The following YIPF6 variants were observed in gnomAD, a reference collection of about 807,000 sequenced individuals.
YIPF6 encodes the protein protein YIPF6.
YIPF6 carries 3 observed loss-of-function variants against 16.8 expected under a neutral mutation model. That is an observed-to-expected ratio of 0.18 (90% CI 0.08 to 0.46). The LOEUF is 0.46. Among genes scored for constraint, YIPF6 ranks in the 20% least tolerant of loss-of-function variants. The pLI, the probability that YIPF6 is intolerant of heterozygous loss-of-function variation, is 0.98. For synonymous variants in YIPF6, 67 were observed against 61.9 expected, an observed-to-expected ratio of 1.08 and a Z score of -0.38; for missense variants, 145 against 184.9, an observed-to-expected ratio of 0.78 and a Z score of 1.25.
intron 1 of YIPF6, chrX:68,510,685 G>A (rs2079077578): frequency 9.1e-6 from 1 of 110,219 alleles, no homozygotes; most frequent in Admixed American, 9.8e-5. Flanking sequence ...CCAGGCTGGA[G>A]TGCAATGGCG....
At position 68,532,424 on chromosome X, in the gene YIPF6, A is replaced by C. The variant is rs1015001629; in HGVS notation, c.*425A>C. On this transcript the variant is annotated 3_prime_UTR_variant, in exon 7 of 7. Coordinates refer to ENST00000462683, the MANE Select transcript of YIPF6 (RefSeq NM_173834.4). Reference sequence around the variant, plus strand: ...CACATTGCCTTATGACTATTAGAATATGCCTCTCTTTTCATAAATAAAAAT... The same window carrying C: ...CACATTGCCTTATGACTATTAGAATCTGCCTCTCTTTTCATAAATAAAAAT... 1 of 112,984 alleles carries C rather than the reference A, an allele frequency of 8.9e-6. No homozygotes were observed. Among genetic ancestry groups the C allele is most frequent in the African/African-American group, 3.3e-5 (1 of 30,642 alleles). 9.3% of individuals were successfully genotyped at this position (112,984 alleles called of 1,213,427 possible).
intron 6 of YIPF6, among the ~76,000 whole-genome samples, chrX:68,524,741 C>T (rs1245561444): frequency 9.2e-6 from 1 of 109,206 alleles, no homozygotes; most frequent in Non-Finnish European, 1.9e-5. Context: ...TCTCATTGTT[C>T]AACCCCCACT....
intron 1 of YIPF6, 61 bp from the exon 2 acceptor site, chrX:68,511,788 T>C: frequency 8.8e-7 from 1 of 1,132,521 alleles, no homozygotes; most frequent in Non-Finnish European, 1.2e-6. Flanking sequence ...GAAATGATGA[T>C]ATATATGAGG....
intron 4 of YIPF6, 66 bp from the exon 5 acceptor site, chrX:68,521,306 C>T (rs1398337045): frequency 8.7e-7 from 1 of 1,153,126 alleles, no homozygotes; most frequent in East Asian, 3.0e-5. Context: ...GTTTGAGAAC[C>T]CATGCCTTAA....
rs748966139 is a variant in YIPF6, at chrX:68,527,730, C to T, written c.593-4151C>T. On this transcript the variant is annotated intron_variant, in intron 6 of 6. Coordinates refer to ENST00000462683, the MANE Select transcript of YIPF6 (RefSeq NM_173834.4). ...TTTCTGCCTTAATTTCGTTGTTTAC[C>T]TAGTAGTCATTCAAGAGCAGGTCGT... Among the ~76,000 whole-genome samples, 5 of 111,686 alleles carry T rather than the reference C, an allele frequency of 4.5e-5. No homozygotes were observed. The South Asian group carries it at 1.9e-3, about 42-fold the overall frequency.
rs148259357 is a variant in YIPF6, at chrX:68,518,620, A to T, written c.266-150A>T. 3.4e-4 allele frequency: 186 copies of T among 540,503 alleles called. No individual in the cohort carries two copies. The East Asian group carries it at 7.2e-3, about 21-fold the overall frequency. 44.5% of individuals were successfully genotyped at this position (540,503 alleles called of 1,213,427 possible). ...AAAGAAGTGCATTCAGGATTAGGGG[A>T]CAGGGAGGGCAGGTGGTGGGAGAGG... On this transcript the variant is annotated intron_variant, in intron 3 of 6. Coordinates refer to ENST00000462683, the MANE Select transcript of YIPF6 (RefSeq NM_173834.4).
chrX:68,519,398 C>T (rs2079117062), intron 4 of YIPF6, among the ~76,000 whole-genome samples: 1 of 111,783 alleles, frequency 8.9e-6, no homozygotes, highest in African/African-American at 3.2e-5. Flanking sequence ...TGACTTTGGG[C>T]TACTAATAAC....
chrX:68,521,546 A>G (rs1354474898), intron 5 of YIPF6, 49 bp downstream of exon 5: 2 of 1,155,350 alleles, frequency 1.7e-6, no homozygotes, highest in Non-Finnish European at 2.3e-6. Flanking sequence ...CAGGTAGTAT[A>G]TCTTAGATTA....
At chrX:68,519,081 C>G (rs1388193376) in intron 4 of YIPF6, among the ~76,000 whole-genome samples, 1 of 112,025 alleles carries the variant, frequency 8.9e-6, no homozygotes, top group African/African-American at 3.2e-5. Context: ...CTTATTTACT[C>G]TCCTGTTCCT....
At chrX:68,516,416 A>G (rs903937271) in intron 3 of YIPF6, among the ~76,000 whole-genome samples, 2 of 111,425 alleles carry the variant, frequency 1.8e-5, no homozygotes, top group Admixed American at 1.9e-4. Context: ...TCACTAGGTG[A>G]TAGGAATTTT....
At chrX:68,527,838 A>G (rs2079155189) in intron 6 of YIPF6, among the ~76,000 whole-genome samples, 1 of 111,144 alleles carries the variant, frequency 9.0e-6, no homozygotes, top group African/African-American at 3.3e-5. Flanking sequence ...CTGAGAGACT[A>G]TGATTTCCAT....
intron 3 of YIPF6, among the ~76,000 whole-genome samples, chrX:68,518,274 A>C (rs1361722463): frequency 1.6e-5 from 1 of 63,255 alleles, no homozygotes; most frequent in African/African-American, 3.5e-4. Flanking sequence ...CTCCATCTCA[A>C]AAAAAAAAAA....
intron 1 of YIPF6, among the ~76,000 whole-genome samples, chrX:68,501,071 C>A (rs1175944366): frequency 8.9e-6 from 1 of 111,989 alleles, no homozygotes; most frequent in Non-Finnish European, 1.9e-5. Flanking sequence ...AATATGCAAT[C>A]CGCTTCCATT....
At chrX:68,500,054 G>A (rs1274574785) in intron 1 of YIPF6, among the ~76,000 whole-genome samples, 2 of 112,491 alleles carry the variant, frequency 1.8e-5, no homozygotes, top group Non-Finnish European at 3.7e-5. Flanking sequence ...CTTTACTTGG[G>A]ATGGAATCCA....
intron 3 of YIPF6, among the ~76,000 whole-genome samples, chrX:68,516,629 T>C (rs1180375234): frequency 1.8e-5 from 2 of 112,242 alleles, no homozygotes; most frequent in South Asian, 3.7e-4. Context: ...AAATTACTTA[T>C]ACAATTAAAA....
At chrX:68,530,784 C>A (rs769463796) in intron 6 of YIPF6, among the ~76,000 whole-genome samples, 1 of 111,247 alleles carries the variant, frequency 9.0e-6, no homozygotes, top group Non-Finnish European at 1.9e-5. Flanking sequence ...GCTCACCCCC[C>A]GTGGGCTGCA....
chrX:68,512,830 ATTT>A (rs200742201), intron 2 of YIPF6, among the ~76,000 whole-genome samples: 1 of 96,837 alleles, frequency 1.0e-5, no homozygotes, highest in Admixed American at 1.1e-4. Context: ...CAGTTTCTTG[ATTT>A]TTTTTTTTTT....
rs1186764453 is a variant in YIPF6 at position 68,535,117 on chromosome X, G to A, written c.*3118G>A. ...TTTGCCTCTAAAGTCTTTTGCCTCT[G>A]AAGAGGTTTATTACATGAGTTGATT... On this transcript the variant is annotated 3_prime_UTR_variant, in exon 7 of 7. Transcript: ENST00000462683. 3 of 112,550 alleles carry A rather than the reference G, an allele frequency of 2.7e-5. No individual in the cohort carries two copies. Among genetic ancestry groups the A allele is most frequent in the Non-Finnish European group, 5.6e-5 (3 of 53,367 alleles). The allele number at this position is 112,550 out of a possible 1,213,427, so 9.3% of individuals were successfully genotyped here.
In YIPF6 at chrX:68,536,380, G is replaced by A. The variant is rs78492888; in HGVS notation, c.*4381G>A. ...ATGTGGAAAATTGAGGCACTGAGAG[G>A]TTAAGTAAATTGCCCACGGTCACAC... is the stretch of plus-strand genomic sequence containing the variant. On this transcript the variant is annotated 3_prime_UTR_variant, in exon 7 of 7. Transcript: ENST00000462683. 36 of 111,557 alleles carry A rather than the reference G, an allele frequency of 3.2e-4. No homozygotes were observed. The East Asian group carries it at 0.01, about 32-fold the overall frequency. 9.2% of individuals were successfully genotyped at this position (111,557 alleles called of 1,213,427 possible).
Sources: allele counts gnomAD v4.1 joint callset (sites outside exome capture counted in the v4.1 genomes callset), GRCh38; gene constraint gnomAD v4.1.1; transcripts MANE v1.5; gene names NCBI Gene and HGNC (gene_info 2026-07-23, HGNC 2026-07-21).